GTF2I: variants seen among roughly 807,000 people sequenced by gnomAD.
The protein encoded by GTF2I is general transcription factor IIi.
A neutral mutation model predicts 67.6 loss-of-function variants in GTF2I; 12 were observed. The ratio of observed to expected loss-of-function variants is 0.18; its 90% CI spans 0.11 to 0.29. GTF2I has a LOEUF of 0.29. GTF2I is among the 10% of genes least tolerant of loss of function. The probability of loss-of-function intolerance (pLI) is 1.00; values close to 1 mark genes in which losing one functional copy is unlikely to be tolerated. For missense variants in GTF2I, 271 were observed against 580.1 expected (o/e 0.47, Z 5.47); for synonymous variants, 149 against 197.0 (o/e 0.76, Z 2.04).
rs1790461992 is a variant in GTF2I at position 74,705,172 on chromosome 7, G to A, written c.595G>A (p.Val199Met). ...LEPKKHVGGR[V>M]MVTDADRSIL... Reference sequence around the variant, plus strand: ...TTTTTTTTTGTATGTAGGTGGTCGTGTGATGGTAACAGATGCTGACAGGTC... The same window carrying A: ...TTTTTTTTTGTATGTAGGTGGTCGTATGATGGTAACAGATGCTGACAGGTC... The change falls in exon 7 of 35, where the codon GTG becomes ATG. Residue 199 changes from valine to methionine, a missense_variant. By Grantham distance (21) the Val-to-Met change is conservative (BLOSUM62 1). Transcript: ENST00000573035. 6.3e-7 allele frequency: 1 copy of A among 1,598,788 alleles called. No homozygotes were observed. The highest frequency in any genetic ancestry group is 8.6e-7 in the Non-Finnish European group (1 of 1,167,654).
intron 1 of GTF2I, among the ~76,000 whole-genome samples, chr7:74,666,811 C>CAA (rs61609037): frequency 1.5e-4 from 19 of 129,154 alleles, no homozygotes; most frequent in African/African-American, 4.7e-4. Context: ...ACTAAAAATA[C>CAA]AAAAAAAAAA....
chr7:74,697,239 A>G (rs1370217126), intron 3 of GTF2I, among the ~76,000 whole-genome samples: 1 of 151,984 alleles, frequency 6.6e-6, no homozygotes, highest in Non-Finnish European at 1.5e-5. Context: ...TACTAAAAAT[A>G]CAAAAATTAG....
intron 12 of GTF2I, among the ~76,000 whole-genome samples, chr7:74,728,490 G>A (rs1554406165): frequency 8.2e-6 from 1 of 121,330 alleles, no homozygotes; most frequent in Non-Finnish European, 1.7e-5. Context: ...TATAGTTCTT[G>A]GCAATTTGAA....
At chr7:74,703,547 C>G (rs1790128770) in intron 6 of GTF2I, among the ~76,000 whole-genome samples, 1 of 151,984 alleles carries the variant, frequency 6.6e-6, no homozygotes, top group Admixed American at 6.6e-5. Context: ...GCCCGGATAA[C>G]TTTAGTATTT....
chr7:74,661,340 TGAAGG>T (rs1209559870), intron 1 of GTF2I, among the ~76,000 whole-genome samples: 2 of 152,130 alleles, frequency 1.3e-5, no homozygotes, highest in African/African-American at 4.8e-5. Flanking sequence ...TGGTGCAAAA[TGAAGG>T]GAGAGAAATT....
intron 12 of GTF2I, among the ~76,000 whole-genome samples, chr7:74,721,991 G>T (rs1291044053): frequency 1.6e-4 from 24 of 152,118 alleles, no homozygotes; most frequent in African/African-American, 5.8e-4. Context: ...AGATATTCCT[G>T]CTTGCTTGGA....
intron 1 of GTF2I, among the ~76,000 whole-genome samples, chr7:74,664,929 A>G (rs1804837725): frequency 6.6e-6 from 1 of 150,490 alleles, no homozygotes; most frequent in African/African-American, 2.4e-5. Flanking sequence ...TCATCTTTGT[A>G]TGTTTCCCTA....
At chr7:74,673,510 T>C (rs1805633401) in intron 1 of GTF2I, among the ~76,000 whole-genome samples, 1 of 151,646 alleles carries the variant, frequency 6.6e-6, no homozygotes, top group African/African-American at 2.4e-5. Context: ...GCCTCCCGAG[T>C]AGCTGGAATT....
chr7:74,674,202 T>G (rs1554391636), intron 1 of GTF2I, among the ~76,000 whole-genome samples: 2 of 151,532 alleles, frequency 1.3e-5, no homozygotes. Flanking sequence ...CCTGAGTAGC[T>G]GGGACAACAG....
At chr7:74,673,507 G>A (rs1337225684) in intron 1 of GTF2I, among the ~76,000 whole-genome samples, 2 of 151,838 alleles carry the variant, frequency 1.3e-5, no homozygotes, top group East Asian at 1.9e-4. Flanking sequence ...TCAGCCTCCC[G>A]AGTAGCTGGA....
At chr7:74,678,876 A>G (rs1420408048) in intron 1 of GTF2I, among the ~76,000 whole-genome samples, 10 of 151,376 alleles carry the variant, frequency 6.6e-5, no homozygotes, top group African/African-American at 1.7e-4. Context: ...GGTTCAAGCA[A>G]TTCTCCTGCG....
intron 1 of GTF2I, among the ~76,000 whole-genome samples, chr7:74,687,002 G>GC (rs1787798209): frequency 6.6e-6 from 1 of 151,510 alleles, no homozygotes; most frequent in African/African-American, 2.4e-5. Context: ...TGATTCTCGT[G>GC]CCTCAGCCTC....
chr7:74,688,031 A>C (rs1266384709), intron 1 of GTF2I, among the ~76,000 whole-genome samples: 2 of 152,134 alleles, frequency 1.3e-5, no homozygotes, highest in Non-Finnish European at 2.9e-5. Context: ...TTGCCATCTT[A>C]GTATGTCTTT....
rs1483860568 is a variant in GTF2I, at chr7:74,720,782, G to A, written c.943+1841G>A. 4.4e-5 allele frequency among the ~76,000 whole-genome samples: 6 copies of A among 136,580 alleles called. 1 individual carries two copies. The highest frequency in any genetic ancestry group is 8.3e-5 in the African/African-American group (3 of 35,942). The allele number at this position is 136,580 out of a possible 152,430, so 89.6% of individuals were successfully genotyped here. On this transcript the variant is annotated intron_variant, in intron 12 of 34. Coordinates refer to ENST00000573035, the MANE Select transcript of GTF2I (RefSeq NM_032999.4). ...TTTTGAGACAGAGTCTGGCTCTGTC[G>A]CCCAGGCTGGAGTGCAGTGGTGCGA...
intron 6 of GTF2I, among the ~76,000 whole-genome samples, chr7:74,703,261 C>G (rs1790082985): frequency 6.6e-6 from 1 of 151,960 alleles, no homozygotes; most frequent in Non-Finnish European, 1.5e-5. Flanking sequence ...ATATTTTCTC[C>G]AATTCTAATA....
At chr7:74,673,711 T>C (rs1267501815) in intron 1 of GTF2I, among the ~76,000 whole-genome samples, 1 of 138,492 alleles carries the variant, frequency 7.2e-6, no homozygotes, top group South Asian at 2.4e-4. Context: ...GAGACCAGTC[T>C]TGCTCTGTCG....
chr7:74,702,573 T>A (rs961715501), intron 6 of GTF2I, among the ~76,000 whole-genome samples: 7 of 152,176 alleles, frequency 4.6e-5, no homozygotes, highest in Non-Finnish European at 1.0e-4. Context: ...GGCTATACCA[T>A]GTTATATTCT....
intron 10 of GTF2I, chr7:74,716,528 T>G (rs1792281352): frequency 5.8e-6 from 1 of 172,018 alleles, no homozygotes; most frequent in East Asian, 1.5e-4. Flanking sequence ...AAGCATTTAC[T>G]CTGATCTGTT....
intron 12 of GTF2I, among the ~76,000 whole-genome samples, chr7:74,725,721 T>C (rs587751358): frequency 6.6e-6 from 1 of 152,232 alleles, no homozygotes; most frequent in African/African-American, 2.4e-5. Flanking sequence ...TATGTTCACA[T>C]TTAACAGATT....
Sources: gnomAD v4.1 joint callset for allele counts (sites outside exome capture counted in the v4.1 genomes callset) on GRCh38, gnomAD v4.1.1 for gene constraint, MANE v1.5 for transcripts, NCBI Gene and HGNC (gene_info 2026-07-23, HGNC 2026-07-21) for gene names.